The following TNFRSF11B variants were observed in gnomAD, a reference collection of about 807,000 sequenced individuals.
The protein encoded by TNFRSF11B is tumor necrosis factor receptor superfamily member 11B.
Under a neutral mutation model 43.4 loss-of-function variants are expected in TNFRSF11B, and 16 were observed. That is an observed-to-expected ratio of 0.37 (90% CI 0.25 to 0.56). The LOEUF (loss-of-function observed/expected upper bound fraction) is 0.56, where lower values mean the gene tolerates loss of function less well. Ranked by LOEUF, TNFRSF11B falls within the 20% of genes least tolerant of loss-of-function variation. The pLI is 0.80. For synonymous variants in TNFRSF11B, 185 were observed against 181.8 expected (o/e 1.02, Z -0.14); for missense variants, 444 against 490.1 (o/e 0.91, Z 0.89).
chr8:118,926,384 A>G (rs1402202418), intron 4 of TNFRSF11B, 110 bp downstream of exon 4: 3 of 1,052,480 alleles, frequency 2.9e-6, no homozygotes, highest in Non-Finnish European at 4.3e-6. Context: ...AATGATTCCA[A>G]CAGGGAAACA....
At chr8:118,942,589 A>G (rs539352060) in intron 1 of TNFRSF11B, among the ~76,000 whole-genome samples, 1 of 152,224 alleles carries the variant, frequency 6.6e-6, no homozygotes, top group African/African-American at 2.4e-5. Context: ...ATAGCTTAGT[A>G]TACTCTATTA....
rs1348633914 is a variant in TNFRSF11B, at chr8:118,951,365, GTCT to G, written c.30+424_30+426del. ...TTATAATGGTTTTAAGAAGACTAAC[GTCT>G]TCTTCCAACTTACTCTGAATCTAAG... is the stretch of plus-strand genomic sequence containing the variant. On this transcript the variant is annotated intron_variant, in intron 1 of 4. Coordinates refer to ENST00000297350, the MANE Select transcript of TNFRSF11B (RefSeq NM_002546.4). 2.0e-5 allele frequency among the ~76,000 whole-genome samples: 3 copies of G among 152,202 alleles called. No homozygotes were observed. The East Asian group carries it at 5.8e-4, about 29-fold the overall frequency.
chr8:118,946,319 CT>C (rs1812560518), intron 1 of TNFRSF11B, among the ~76,000 whole-genome samples: 1 of 152,160 alleles, frequency 6.6e-6, no homozygotes, highest in Non-Finnish European at 1.5e-5. Context: ...GTGGGTACCA[CT>C]CAGTTTCTTA....
At chr8:118,928,671 G>C (rs1812280297) in intron 3 of TNFRSF11B, 67 bp downstream of exon 3, 1 of 1,540,842 alleles carries the variant, frequency 6.5e-7, no homozygotes, top group Middle Eastern at 1.8e-4. Context: ...TGGAGGCCTT[G>C]TGTTCAACTC....
Position 118,951,855 on chromosome 8 carries a change from G to A in TNFRSF11B, c.-34C>T, listed in dbSNP as rs952465472. The stretch of plus-strand genomic sequence containing the variant: ...CCGGAAACCTCAGGGGCTTGGAGGC[G>A]GCGGCTGGGCGAGCGCTCCGGTGCG... On this transcript the variant is annotated 5_prime_UTR_variant, in exon 1 of 5. Coordinates refer to ENST00000297350, the MANE Select transcript of TNFRSF11B (RefSeq NM_002546.4). 6.4e-7 allele frequency: 1 copy of A among 1,568,812 alleles called. No homozygotes were observed. Among genetic ancestry groups the A allele is most frequent in the South Asian group, 1.2e-5 (1 of 85,356 alleles).
intron 1 of TNFRSF11B, among the ~76,000 whole-genome samples, chr8:118,942,170 T>C (rs2129914515): frequency 6.6e-6 from 1 of 152,186 alleles, no homozygotes; most frequent in East Asian, 1.9e-4. Flanking sequence ...CTGCCCTCGT[T>C]AACTTGTCAT....
In TNFRSF11B at chr8:118,951,837, C is replaced by T. The variant is rs1812652682; in HGVS notation, c.-16G>A. 1.9e-6 allele frequency: 3 copies of T among 1,585,126 alleles called. No individual in the cohort carries two copies. The South Asian group carries it at 3.5e-5, about 18-fold the overall frequency. ...AGTTGTTCATTGTGGTCCCCGGAAA[C>T]CTCAGGGGCTTGGAGGCGGCGGCTG... On this transcript the variant is annotated 5_prime_UTR_variant, in exon 1 of 5. Transcript: ENST00000297350.
intron 1 of TNFRSF11B, among the ~76,000 whole-genome samples, chr8:118,950,569 A>C (rs1812627709): frequency 1.3e-5 from 2 of 152,236 alleles, no homozygotes; most frequent in African/African-American, 4.8e-5. Flanking sequence ...CTAGCTCACA[A>C]GTGCTCACTT....
chr8:118,934,744 G>A (rs964501770), intron 1 of TNFRSF11B, among the ~76,000 whole-genome samples: 7 of 152,170 alleles, frequency 4.6e-5, no homozygotes, highest in Non-Finnish European at 7.4e-5. Context: ...CCTTGGGGAG[G>A]TGGTAAACCA....
chr8:118,937,090 C>T (rs1812415886), intron 1 of TNFRSF11B, among the ~76,000 whole-genome samples: 2 of 152,156 alleles, frequency 1.3e-5, no homozygotes, highest in Non-Finnish European at 2.9e-5. Flanking sequence ...CCTCTCCTTG[C>T]CTTCCATTTT....
intron 1 of TNFRSF11B, among the ~76,000 whole-genome samples, chr8:118,944,214 T>C (rs1195506894): frequency 1.3e-5 from 2 of 152,114 alleles, no homozygotes; most frequent in Non-Finnish European, 2.9e-5. Flanking sequence ...TTCTCAGACA[T>C]AGTCAAGTCC....
intron 1 of TNFRSF11B, among the ~76,000 whole-genome samples, chr8:118,939,814 A>G (rs1812454884): frequency 6.6e-6 from 1 of 152,254 alleles, no homozygotes; most frequent in South Asian, 2.1e-4. Flanking sequence ...CTAGAAGCAG[A>G]GAGACTGGAG....
intron 1 of TNFRSF11B, among the ~76,000 whole-genome samples, chr8:118,941,999 C>T (rs1302043802): frequency 6.6e-6 from 1 of 152,134 alleles, no homozygotes; most frequent in Non-Finnish European, 1.5e-5. Flanking sequence ...ACCTCAGGGT[C>T]TTCCAGCTAC....
chr8:118,950,493 C>T (rs1375598345), intron 1 of TNFRSF11B, among the ~76,000 whole-genome samples: 3 of 152,202 alleles, frequency 2.0e-5, no homozygotes, highest in Non-Finnish European at 2.9e-5. Context: ...ACTGATTGTT[C>T]TGGCCATAGA....
chr8:118,926,778 T>C, intron 3 of TNFRSF11B, 60 bp from the exon 4 acceptor site: 1 of 1,465,840 alleles, frequency 6.8e-7, no homozygotes, highest in South Asian at 1.2e-5. Context: ...TGAGAGTCTA[T>C]TCAATACAAA....
At chr8:118,926,249 T>C (rs1812242352) in intron 4 of TNFRSF11B, among the ~76,000 whole-genome samples, 1 of 152,168 alleles carries the variant, frequency 6.6e-6, no homozygotes, top group Admixed American at 6.5e-5. Flanking sequence ...TGCATTTCTC[T>C]TCTCTTAGAG....
Position 118,933,224 on chromosome 8 carries a change from G to A in TNFRSF11B, c.107C>T (p.Ser36Phe). The A allele has an allele frequency of 1.2e-6, 2 of 1,614,160 alleles. No homozygotes were observed. Among genetic ancestry groups the A allele is most frequent in the Non-Finnish European group, 1.7e-6 (2 of 1,180,040 alleles). ...ACATTTGTCACACAACAGCTGATGA[G>A]AGGTTTCTTCGTCATAATGAAGGTA... Reference protein sequence around the residue: ...PKYLHYDEETSHQLLCDKCPP... With the variant: ...PKYLHYDEETFHQLLCDKCPP... The change falls in exon 2 of 5, where the codon TCT becomes TTT. Residue 36 changes from serine (S) to phenylalanine (F), a missense_variant. Coordinates refer to ENST00000297350, the MANE Select transcript of TNFRSF11B (RefSeq NM_002546.4).
At chr8:118,945,249 A>ATGTT (rs1812539709) in intron 1 of TNFRSF11B, among the ~76,000 whole-genome samples, 2 of 148,318 alleles carry the variant, frequency 1.3e-5, no homozygotes, top group Admixed American at 1.4e-4. Flanking sequence ...TGATATTTGC[A>ATGTT]TGTTTTGAGC....
chr8:118,950,069 C>T (rs1812619181), intron 1 of TNFRSF11B, among the ~76,000 whole-genome samples: 1 of 152,108 alleles, frequency 6.6e-6, no homozygotes, highest in Admixed American at 6.6e-5. Context: ...TGTCTATCTT[C>T]CTGTACAGAC....
Sources: gnomAD v4.1 joint callset for allele counts (sites outside exome capture counted in the v4.1 genomes callset) on GRCh38, gnomAD v4.1.1 for gene constraint, MANE v1.5 for transcripts, NCBI Gene and HGNC (gene_info 2026-07-23, HGNC 2026-07-21) for gene names.